Variants in STS observed in about 807,000 individuals in gnomAD.
The protein encoded by STS is steroid sulfatase.
Under a neutral mutation model 26.8 loss-of-function variants are expected in STS, and 7 were observed. That is an observed-to-expected ratio of 0.26 (90% CI 0.15 to 0.49). The LOEUF is 0.49. Among genes scored for constraint, STS ranks in the 20% least tolerant of loss-of-function variants. STS has a pLI of 0.98. For synonymous variants in STS, 199 were observed against 189.4 expected (o/e 1.05, Z -0.42); for missense variants, 434 against 465.6 (o/e 0.93, Z 0.63).
chrX:7,215,042 C>CATATATAAT (rs1921232688), intron 2 of STS, among the ~76,000 whole-genome samples: 1 of 80,435 alleles, frequency 1.2e-5, no homozygotes, highest in Non-Finnish European at 2.3e-5. Context: ...TATATATATA[C>CATATATAAT]ATATATATAC....
chrX:7,165,951 G>A (rs1432513219), intron 1 of STS, among the ~76,000 whole-genome samples: 1 of 110,398 alleles, frequency 9.1e-6, no homozygotes. Flanking sequence ...TTAACTTTGT[G>A]TGGTGCCTCA....
chrX:7,257,197 C>T lies in STS; in HGVS notation c.138-45C>T, dbSNP rs757048542. ...CCTGTCTCAAAACTAAATACATGAA[C>T]AATAAATGAAAATGATCACAAATGC... On this transcript the variant is annotated intron_variant, in intron 3 of 10. Coordinates refer to ENST00000674429, the MANE Select transcript of STS (RefSeq NM_001320752.2). The T allele has an allele frequency of 8.3e-6, 10 of 1,205,842 alleles. No individual in the cohort carries two copies. The South Asian group carries it at 1.8e-4, about 21-fold the overall frequency.
At chrX:7,264,674 C>T (rs967960455) in intron 6 of STS, among the ~76,000 whole-genome samples, 3 of 112,181 alleles carry the variant, frequency 2.7e-5, no homozygotes, top group Non-Finnish European at 5.6e-5. Flanking sequence ...GGGACTGTCA[C>T]AGAGTAGTTC....
intron 2 of STS, among the ~76,000 whole-genome samples, chrX:7,235,962 C>G (rs747022261): frequency 1.1e-4 from 12 of 111,352 alleles, no homozygotes; most frequent in Admixed American, 5.7e-4. Context: ...TTGTTTTTAA[C>G]AAGAATGTTT....
chrX:7,247,985 G>T (rs374211396), intron 2 of STS, among the ~76,000 whole-genome samples: 1 of 111,537 alleles, frequency 9.0e-6, no homozygotes, highest in Non-Finnish European at 1.9e-5. Flanking sequence ...TTATTCACTC[G>T]CAGGGCCATG....
chrX:7,276,796 A>G (rs1334387335), intron 7 of STS, among the ~76,000 whole-genome samples: 1 of 111,153 alleles, frequency 9.0e-6, no homozygotes, highest in Non-Finnish European at 1.9e-5. Flanking sequence ...TGTTCTCCAA[A>G]CTCCTTCTCT....
intron 1 of STS, among the ~76,000 whole-genome samples, chrX:7,162,986 T>A (rs1242672769): frequency 2.0e-5 from 2 of 98,951 alleles, no homozygotes; most frequent in African/African-American, 7.7e-5. Context: ...GAACCCGGGA[T>A]GCAGACGTTG....
intron 7 of STS, among the ~76,000 whole-genome samples, chrX:7,299,240 T>C (rs1925838924): frequency 2.1e-5 from 2 of 96,087 alleles, no homozygotes; most frequent in Non-Finnish European, 4.0e-5. Flanking sequence ...TTATATATAA[T>C]TATAAAATTT....
intron 7 of STS, among the ~76,000 whole-genome samples, chrX:7,284,225 T>G (rs758303709): frequency 8.9e-6 from 1 of 111,926 alleles, no homozygotes; most frequent in East Asian, 2.8e-4. Flanking sequence ...ACACTCAAAA[T>G]TGAGGCTTGA....
chrX:7,327,624 A>G (rs1244672494), intron 9 of STS, among the ~76,000 whole-genome samples: 2 of 110,344 alleles, frequency 1.8e-5, no homozygotes, highest in African/African-American at 6.6e-5. Flanking sequence ...AGCTCAAGAA[A>G]TCCTCCTGCC....
intron 2 of STS, chrX:7,252,347 T>TAAGA: frequency 8.3e-6 from 6 of 720,516 alleles, no homozygotes; most frequent in Non-Finnish European, 9.9e-6. Flanking sequence ...ATTGAGTAAG[T>TAAGA]AAGACCTCAG....
At chrX:7,303,533 T>C (rs1926073906) in intron 7 of STS, among the ~76,000 whole-genome samples, 1 of 111,113 alleles carries the variant, frequency 9.0e-6, no homozygotes, top group Non-Finnish European at 1.9e-5. Flanking sequence ...GGATTTCTTA[T>C]CAGCCTGCGT....
intron 1 of STS, among the ~76,000 whole-genome samples, chrX:7,152,233 T>A (rs1234609269): frequency 1.8e-5 from 2 of 111,790 alleles, no homozygotes; most frequent in African/African-American, 6.5e-5. Context: ...ATTACAGGCG[T>A]GAGCCACCAC....
At chrX:7,189,445 A>G (rs1383667311) in intron 1 of STS, among the ~76,000 whole-genome samples, 23 of 112,123 alleles carry the variant, frequency 2.1e-4, no homozygotes, top group African/African-American at 7.1e-4. Context: ...TATCACAACT[A>G]CTCAACTCTG....
rs201398224 is a variant in STS, at chrX:7,210,786, A to G, written c.-5+19778A>G. Among the ~76,000 whole-genome samples the G allele has an allele frequency of 7.4e-4, 81 of 110,070 alleles. 4 individuals carry two copies. The East Asian group carries it at 0.021, about 29-fold the overall frequency. On this transcript the variant is annotated intron_variant, in intron 2 of 10. Transcript: ENST00000674429. ...ATATGCAAATAAATTTCTAAACCAA[A>G]TATCCCAGCCTGAGATCTCTAGCTT... is the stretch of plus-strand genomic sequence containing the variant.
At chrX:7,332,150 G>C (rs1927781181) in intron 9 of STS, among the ~76,000 whole-genome samples, 1 of 109,093 alleles carries the variant, frequency 9.2e-6, no homozygotes, top group Admixed American at 9.8e-5. Flanking sequence ...AGGCCAGTCT[G>C]GGCAAATCGC....
Position 7,350,186 on chromosome X carries a change from T to G in STS, c.1662T>G (p.Leu554=). Residue 554 remains leucine, a synonymous_variant, in exon 11 of 11, where the codon CTT becomes CTG. Coordinates refer to ENST00000674429, the MANE Select transcript of STS (RefSeq NM_001320752.2). ...ACAACTTTCTTTGGAAGCCCTGGCT[T>G]CAGCTGTGCTGTCCTTCCACCGGCC... ...SWNNFLWKPW[L]QLCCPSTGLS... 1 of 1,211,920 alleles carries G rather than the reference T, an allele frequency of 8.3e-7. No homozygotes were observed. The highest frequency in any genetic ancestry group is 1.1e-6 in the Non-Finnish European group (1 of 895,408).
intron 10 of STS, among the ~76,000 whole-genome samples, chrX:7,339,878 G>A (rs1331114814): frequency 9.1e-5 from 10 of 110,479 alleles, no homozygotes; most frequent in African/African-American, 3.3e-4. Flanking sequence ...GACAGTATCA[G>A]ACAATATTTG....
intron 7 of STS, among the ~76,000 whole-genome samples, chrX:7,292,114 G>A (rs1157796306): frequency 8.9e-6 from 1 of 112,757 alleles, no homozygotes; most frequent in Non-Finnish European, 1.9e-5. Flanking sequence ...TTGACATTTT[G>A]GTTTTGCGTA....
Sources: allele counts gnomAD v4.1 joint callset (sites outside exome capture counted in the v4.1 genomes callset), GRCh38; gene constraint gnomAD v4.1.1; transcripts MANE v1.5; gene names NCBI Gene and HGNC (gene_info 2026-07-23, HGNC 2026-07-21).